Variants in DENND5B observed in about 807,000 individuals in gnomAD.
The protein encoded by DENND5B is DENN domain containing 5B.
A neutral mutation model predicts 140.6 loss-of-function variants in DENND5B; 34 were observed. The ratio of observed to expected loss-of-function variants is 0.24; its 90% CI spans 0.18 to 0.32. The LOEUF is 0.32. Among genes scored for constraint, DENND5B ranks in the 10% least tolerant of loss-of-function variants. The pLI, the probability that DENND5B is intolerant of heterozygous loss-of-function variation, is 1.00. For synonymous variants in DENND5B, 551 were observed against 562.1 expected (o/e 0.98, Z 0.28); for missense variants, 1,142 against 1,560.2 (o/e 0.73, Z 4.52).
At chr12:31,449,905 G>A (rs1944440641) in intron 5 of DENND5B, among the ~76,000 whole-genome samples, 1 of 151,652 alleles carries the variant, frequency 6.6e-6, no homozygotes, top group East Asian at 1.9e-4. Flanking sequence ...TAATTTTTTT[G>A]TATTTTTAGT....
At chr12:31,477,993 A>C (rs1386099923) in intron 3 of DENND5B, 1 of 206,832 alleles carries the variant, frequency 4.8e-6, no homozygotes, top group African/African-American at 2.3e-5. Flanking sequence ...CCTAATGCCC[A>C]AGGAGCTTCA....
chr12:31,503,754 T>G (rs1947095970), intron 1 of DENND5B, among the ~76,000 whole-genome samples: 1 of 152,224 alleles, frequency 6.6e-6, no homozygotes, highest in Non-Finnish European at 1.5e-5. Context: ...ATAGTCCTCG[T>G]TTCCGGTTTT....
chr12:31,495,389 C>CTTTTTTTTTTTTTTTTTTTTT (rs149645342), intron 2 of DENND5B, among the ~76,000 whole-genome samples: 5 of 136,232 alleles, frequency 3.7e-5, no homozygotes, highest in Middle Eastern at 3.8e-3. Flanking sequence ...CTTTTTTTTT[C>CTTTTTTTTTTTTTTTTTTTTT]TTTTTTTGAG....
At chr12:31,543,215 A>G (rs1948746955) in intron 1 of DENND5B, among the ~76,000 whole-genome samples, 1 of 152,146 alleles carries the variant, frequency 6.6e-6, no homozygotes, top group African/African-American at 2.4e-5. Flanking sequence ...CTCAAAAAAC[A>G]AGAGAGATTT....
intron 4 of DENND5B, among the ~76,000 whole-genome samples, chr12:31,455,115 C>T (rs749420173): frequency 2.6e-5 from 4 of 151,964 alleles, no homozygotes; most frequent in Admixed American, 2.0e-4. Context: ...CCACCGCGCC[C>T]GGCCAATTCA....
chr12:31,409,788 C>A (rs981567256), intron 13 of DENND5B, among the ~76,000 whole-genome samples: 3 of 151,718 alleles, frequency 2.0e-5, no homozygotes, highest in Non-Finnish European at 4.4e-5. Flanking sequence ...CATTTTTTTT[C>A]TTTTGTTTCT....
intron 1 of DENND5B, among the ~76,000 whole-genome samples, chr12:31,501,493 G>A (rs951258733): frequency 6.6e-6 from 1 of 152,152 alleles, no homozygotes; most frequent in Non-Finnish European, 1.5e-5. Context: ...CTAAATAGAG[G>A]CCGGGCGCAG....
chr12:31,405,313 C>T (rs773091629), intron 14 of DENND5B, among the ~76,000 whole-genome samples: 46 of 151,854 alleles, frequency 3.0e-4, no homozygotes, highest in Non-Finnish European at 5.0e-4. Flanking sequence ...ACCTCCTGGG[C>T]TCAAGTGATC....
chr12:31,520,788 C>A (rs1378686555), intron 1 of DENND5B, among the ~76,000 whole-genome samples: 2 of 152,082 alleles, frequency 1.3e-5, no homozygotes, highest in South Asian at 2.1e-4. Context: ...GATCCACACA[C>A]CTCGGCCTCC....
intron 4 of DENND5B, among the ~76,000 whole-genome samples, chr12:31,454,142 CAA>C (rs372795117): frequency 1.2e-3 from 113 of 96,238 alleles, no homozygotes; most frequent in Middle Eastern, 5.3e-3. Context: ...AGACTTTGGC[CAA>C]AAAAAAAAAA....
chr12:31,402,065 C>T (rs1451429841), intron 15 of DENND5B, among the ~76,000 whole-genome samples: 2 of 109,538 alleles, frequency 1.8e-5, no homozygotes, highest in East Asian at 3.1e-4. Context: ...AGCAAGATTC[C>T]GTCTCAAAAA....
At chr12:31,402,683 A>G (rs774564516) in intron 14 of DENND5B, 40 bp from the exon 15 acceptor site, 1 of 1,573,162 alleles carries the variant, frequency 6.4e-7, no homozygotes, top group South Asian at 1.2e-5. Context: ...AAGCGGGAAT[A>G]AAATTCTCCT....
chr12:31,483,927 C>T (rs900495679), intron 2 of DENND5B, among the ~76,000 whole-genome samples: 11 of 148,288 alleles, frequency 7.4e-5, no homozygotes, highest in Admixed American at 2.0e-4. Context: ...TGCGGTGGCG[C>T]AATCTTGGCT....
rs1940846219 is a variant in DENND5B at position 31,386,262 on chromosome 12, G to T, written c.*1341C>A. 1 of 154,830 alleles carries T rather than the reference G, an allele frequency of 6.5e-6. No individual in the cohort carries two copies. The highest frequency in any genetic ancestry group is 1.5e-5 in the Non-Finnish European group (1 of 68,218). 9.6% of individuals were successfully genotyped at this position (154,830 alleles called of 1,614,324 possible). A position where few individuals can be genotyped will look rare whatever the true frequency, so the allele number is the denominator to read the frequency against. Reference sequence around the variant, plus strand: ...CTAAAAATGTACAAATGCCTAATTAGAGTTACAGGACCTACCAGAAGATGA... The same window carrying T: ...CTAAAAATGTACAAATGCCTAATTATAGTTACAGGACCTACCAGAAGATGA... On this transcript the variant is annotated 3_prime_UTR_variant, in exon 21 of 21. Transcript: ENST00000389082.
chr12:31,401,031 G>T (rs708210), intron 15 of DENND5B, among the ~76,000 whole-genome samples: 5 of 151,918 alleles, frequency 3.3e-5, no homozygotes, highest in East Asian at 1.9e-4. Flanking sequence ...TTAGTAGAGA[G>T]GGGGTTTCTT....
chr12:31,414,851 G>A (rs1309549627), intron 12 of DENND5B, among the ~76,000 whole-genome samples: 1 of 150,368 alleles, frequency 6.7e-6, no homozygotes, highest in Non-Finnish European at 1.5e-5. Flanking sequence ...GAACCCGGGA[G>A]ACAGAGGTTG....
intron 2 of DENND5B, among the ~76,000 whole-genome samples, chr12:31,495,235 C>T (rs1189851386): frequency 6.6e-6 from 1 of 152,094 alleles, no homozygotes; most frequent in Non-Finnish European, 1.5e-5. Flanking sequence ...AATACAAATG[C>T]ACAACACAGT....
intron 1 of DENND5B, among the ~76,000 whole-genome samples, chr12:31,565,967 C>T (rs1259411): frequency 0.078 from 11,758 of 151,648 alleles, 1,039 homozygotes; most frequent in African/African-American, 0.22. Context: ...CATGGTAAAG[C>T]CCCATCTCTA....
intron 1 of DENND5B, among the ~76,000 whole-genome samples, chr12:31,545,456 T>C (rs1948824220): frequency 6.6e-6 from 1 of 152,184 alleles, no homozygotes. Flanking sequence ...ACCCAATGTT[T>C]AGCTTCCACT....
Sources: allele counts gnomAD v4.1 joint callset (sites outside exome capture counted in the v4.1 genomes callset), GRCh38; gene constraint gnomAD v4.1.1; transcripts MANE v1.5; gene names NCBI Gene and HGNC (gene_info 2026-07-23, HGNC 2026-07-21).